PIK3C2G: variants seen among roughly 807,000 people sequenced by gnomAD.
PIK3C2G encodes the protein phosphatidylinositol-4-phosphate 3-kinase catalytic subunit type 2 gamma.
Under a neutral mutation model 181.1 loss-of-function variants are expected in PIK3C2G, and 168 were observed. The ratio of observed to expected loss-of-function variants is 0.93; its 90% CI spans 0.82 to 1.05. The LOEUF is 1.05. PIK3C2G is among the 50% of genes least tolerant of loss of function. PIK3C2G has a pLI of 0.00. For missense variants in PIK3C2G, 1,869 were observed against 1,732.8 expected (o/e 1.08, Z -1.40); for synonymous variants, 573 against 592.2 (o/e 0.97, Z 0.47).
chr12:18,357,715 A>G (rs1212576424), intron 11 of PIK3C2G, among the ~76,000 whole-genome samples: 1 of 152,220 alleles, frequency 6.6e-6, no homozygotes, highest in Non-Finnish European at 1.5e-5. Flanking sequence ...TGTTAACTAC[A>G]TGTGCATTGT....
the PIK3C2G span, among the ~76,000 whole-genome samples, chr12:18,656,649 T>G: frequency 6.6e-6 from 1 of 152,070 alleles, no homozygotes; most frequent in South Asian, 2.1e-4. Context: ...GGTGGAAGGA[T>G]TGCTTGAGGC....
At chr12:18,268,267 ATT>A (rs1948593025) in intron 1 of PIK3C2G, among the ~76,000 whole-genome samples, 1 of 152,026 alleles carries the variant, frequency 6.6e-6, no homozygotes, top group Non-Finnish European at 1.5e-5. Context: ...TACTAAATGA[ATT>A]TTTTTGTTTG....
chr12:18,650,919 C>T (rs1436341650), downstream of PIK3C2G, among the ~76,000 whole-genome samples: 1 of 151,450 alleles, frequency 6.6e-6, no homozygotes, highest in Non-Finnish European at 1.5e-5. Flanking sequence ...TGAACAGTCT[C>T]CTCCTTTCTA....
chr12:18,625,367 A>G (rs550421641), intron 31 of PIK3C2G, among the ~76,000 whole-genome samples: 6 of 151,788 alleles, frequency 4.0e-5, no homozygotes, highest in East Asian at 1.9e-4. Flanking sequence ...CTCACATATC[A>G]TTGTGGTTAG....
At chr12:18,533,869 A>G (rs1355274065) in intron 24 of PIK3C2G, among the ~76,000 whole-genome samples, 1 of 150,526 alleles carries the variant, frequency 6.6e-6, no homozygotes, top group African/African-American at 2.4e-5. Flanking sequence ...CAAGGAGATT[A>G]TATATACAGT....
intron 30 of PIK3C2G, among the ~76,000 whole-genome samples, chr12:18,609,034 A>T (rs971720219): frequency 1.3e-5 from 2 of 152,124 alleles, no homozygotes; most frequent in African/African-American, 2.4e-5. Flanking sequence ...CAACTTTTGA[A>T]TTTTATCAGT....
chr12:18,338,054 C>T (rs1365159150), intron 8 of PIK3C2G, among the ~76,000 whole-genome samples: 1 of 152,132 alleles, frequency 6.6e-6, no homozygotes, highest in South Asian at 2.1e-4. Flanking sequence ...AAACCACAGA[C>T]TTTGTCTAAG....
intron 26 of PIK3C2G, among the ~76,000 whole-genome samples, chr12:18,553,099 A>G (rs539483643): frequency 6.6e-6 from 1 of 152,162 alleles, no homozygotes; most frequent in Admixed American, 6.5e-5. Flanking sequence ...GATATTTCTG[A>G]CCCTACGCAT....
chr12:18,440,177 T>C (rs1328574844), intron 18 of PIK3C2G, among the ~76,000 whole-genome samples: 1 of 152,028 alleles, frequency 6.6e-6, no homozygotes. Flanking sequence ...TGGATAGCCG[T>C]GTGAATTCAA....
rs1592641036 is a variant in PIK3C2G at position 18,582,547 on chromosome 12, G to T, written c.4012-11947G>T. On this transcript the variant is annotated intron_variant, in intron 29 of 32. Coordinates refer to ENST00000538779, the MANE Select transcript of PIK3C2G (RefSeq NM_001288772.2). ...GGCTGCAACTCTGCCAAAGCGAAAG[G>T]TTAGACTCCTATACATACACCTAAG... is the stretch of plus-strand genomic sequence containing the variant. 2.0e-5 allele frequency among the ~76,000 whole-genome samples: 3 copies of T among 152,264 alleles called. No homozygotes were observed. In the East Asian group the frequency reaches 5.8e-4, roughly 29 times the overall value.
At chr12:18,398,261 A>C (rs997311661) in intron 15 of PIK3C2G, among the ~76,000 whole-genome samples, 3 of 152,222 alleles carry the variant, frequency 2.0e-5, no homozygotes, top group African/African-American at 7.2e-5. Context: ...AAAAAGAAAG[A>C]AAGCATTGTT....
At chr12:18,358,556 C>A in intron 11 of PIK3C2G, 1 of 373,814 alleles carries the variant, frequency 2.7e-6, no homozygotes, top group Admixed American at 3.1e-5. Flanking sequence ...GCCACTGAAG[C>A]AGTGAGGCAA....
chr12:18,446,431 G>T (rs1441884700), intron 18 of PIK3C2G, among the ~76,000 whole-genome samples: 1 of 152,082 alleles, frequency 6.6e-6, no homozygotes, highest in Non-Finnish European at 1.5e-5. Flanking sequence ...CCTTCATTTG[G>T]CTGTGTCTTC....
chr12:18,268,182 T>G (rs1948589456), intron 1 of PIK3C2G, among the ~76,000 whole-genome samples: 1 of 152,228 alleles, frequency 6.6e-6, no homozygotes, highest in African/African-American at 2.4e-5. Context: ...CATTTCTGTT[T>G]AATCTGTTTT....
At chr12:18,461,421 A>G (rs1044110913) in intron 18 of PIK3C2G, among the ~76,000 whole-genome samples, 1 of 152,198 alleles carries the variant, frequency 6.6e-6, no homozygotes, top group Non-Finnish European at 1.5e-5. Context: ...AAACACTTGC[A>G]TATGTCCTTA....
At chr12:18,453,913 A>G (rs1947495724) in intron 18 of PIK3C2G, among the ~76,000 whole-genome samples, 1 of 152,156 alleles carries the variant, frequency 6.6e-6, no homozygotes, top group African/African-American at 2.4e-5. Context: ...TGTTAGGAAG[A>G]GCCAAAAGTT....
chr12:18,650,642 T>C (rs755516931), downstream of PIK3C2G, among the ~76,000 whole-genome samples: 8 of 135,678 alleles, frequency 5.9e-5, no homozygotes, highest in Non-Finnish European at 9.6e-5. Context: ...AAATACCTAT[T>C]ATTTACATAA....
chr12:18,690,708 T>A, the PIK3C2G span, among the ~76,000 whole-genome samples: 1 of 152,212 alleles, frequency 6.6e-6, no homozygotes, highest in African/African-American at 2.4e-5. Flanking sequence ...CAAAAAGACA[T>A]GATTCCTAAG....
the PIK3C2G span, chr12:18,696,348 A>ATATATATATATC: frequency 3.7e-5 from 8 of 214,312 alleles, no homozygotes; most frequent in East Asian, 1.4e-4. Flanking sequence ...ATATATATAT[A>ATATATATATATC]TATCATATAA....
Sources: allele counts gnomAD v4.1 joint callset (sites outside exome capture counted in the v4.1 genomes callset), GRCh38; gene constraint gnomAD v4.1.1; transcripts MANE v1.5; gene names NCBI Gene and HGNC (gene_info 2026-07-23, HGNC 2026-07-21).